The following RERE variants were observed in gnomAD, a reference collection of about 807,000 sequenced individuals.
RERE encodes the protein arginine-glutamic acid dipeptide repeats protein.
Under a neutral mutation model 146.1 loss-of-function variants are expected in RERE, and 40 were observed. The observed-to-expected ratio is 0.27, with a 90% confidence interval of 0.21 to 0.36. RERE has a LOEUF of 0.36. Ranked by LOEUF, RERE falls within the 10% of genes least tolerant of loss-of-function variation. RERE has a pLI of 1.00. For synonymous variants in RERE, 1,003 were observed against 866.0 expected, an observed-to-expected ratio of 1.16 and a Z score of -2.78; for missense variants, 1,933 against 2,138.7, an observed-to-expected ratio of 0.90 and a Z score of 1.90.
At chr1:8,529,376 G>A (rs997939050) in intron 7 of RERE, among the ~76,000 whole-genome samples, 4 of 144,472 alleles carry the variant, frequency 2.8e-5, no homozygotes, top group African/African-American at 5.1e-5. Context: ...TGCAAGCTCC[G>A]GGTCCTAGGT....
chr1:8,364,341 C>T lies in RERE; in HGVS notation c.1541-86G>A, dbSNP rs1641714587. ...GGGCAGAGGGGCCCTTCTGTGGGCT[C>T]TACCCAAACCTGATGCCACCAGCAC... On this transcript the variant is annotated intron_variant, in intron 14 of 22. Coordinates refer to ENST00000400908, the MANE Select transcript of RERE (RefSeq NM_001042681.2). The surrounding 1 kb of genome is among the most constrained non-coding windows in gnomAD (Gnocchi z 5.1). The T allele has an allele frequency of 1.7e-6, 2 of 1,192,988 alleles. No individual in the cohort carries two copies. Among genetic ancestry groups the T allele is most frequent in the Non-Finnish European group, 2.5e-6 (2 of 810,168 alleles). 73.9% of individuals were successfully genotyped at this position (1,192,988 alleles called of 1,614,324 possible).
intron 1 of RERE, among the ~76,000 whole-genome samples, chr1:8,808,638 G>A (rs993700014): frequency 6.6e-6 from 1 of 152,172 alleles, no homozygotes; most frequent in Admixed American, 6.5e-5. Context: ...TTAATAAGCA[G>A]TGGGCTGCAG....
intron 4 of RERE, among the ~76,000 whole-genome samples, chr1:8,585,930 G>A (rs967078004): frequency 6.6e-6 from 1 of 152,112 alleles, no homozygotes; most frequent in African/African-American, 2.4e-5. Flanking sequence ...AATGGATACA[G>A]GCTAACAAAA....
chr1:8,437,219 A>C (rs1255277409), intron 11 of RERE, among the ~76,000 whole-genome samples: 1 of 152,096 alleles, frequency 6.6e-6, no homozygotes, highest in East Asian at 1.9e-4. Context: ...CTGATACAGG[A>C]GGGGCTCCTG....
chr1:8,541,578 C>G (rs1645801315), intron 6 of RERE, among the ~76,000 whole-genome samples: 1 of 151,928 alleles, frequency 6.6e-6, no homozygotes, highest in Admixed American at 6.6e-5. Flanking sequence ...GGAGACAGGA[C>G]TATGAGAAAG....
chr1:8,552,433 C>T (rs1467330973), intron 6 of RERE, among the ~76,000 whole-genome samples: 1 of 151,958 alleles, frequency 6.6e-6, no homozygotes, highest in African/African-American at 2.4e-5. Context: ...TTTTTTGTTC[C>T]CCATGGTTTT....
At chr1:8,786,209 T>C in intron 1 of RERE, 1 of 856,692 alleles carries the variant, frequency 1.2e-6, no homozygotes, top group Non-Finnish European at 1.9e-6. Context: ...GGTTCATTCT[T>C]CTAAGAAGCC....
At chr1:8,759,489 T>C (rs576554335) in intron 1 of RERE, among the ~76,000 whole-genome samples, 4 of 152,344 alleles carry the variant, frequency 2.6e-5, no homozygotes, top group Admixed American at 1.3e-4. Context: ...CTGCAGTTAC[T>C]TTAGAAAAGG....
chr1:8,688,615 C>A (rs925270430), intron 1 of RERE, among the ~76,000 whole-genome samples: 8 of 151,994 alleles, frequency 5.3e-5, no homozygotes, highest in African/African-American at 1.9e-4. Flanking sequence ...TAGTGGCACA[C>A]ACCTGTAGCC....
chr1:8,463,806 A>C (rs1644558779), intron 11 of RERE, among the ~76,000 whole-genome samples: 1 of 152,184 alleles, frequency 6.6e-6, no homozygotes, highest in African/African-American at 2.4e-5. Flanking sequence ...AACTGAGGGA[A>C]ATGCAGAAGC....
At chr1:8,376,569 T>C (rs1313182067) in intron 12 of RERE, among the ~76,000 whole-genome samples, 2 of 152,172 alleles carry the variant, frequency 1.3e-5, no homozygotes, top group Non-Finnish European at 2.9e-5. Context: ...CACTACCTAC[T>C]TACCATACCT....
At chr1:8,601,006 G>C (rs577170630) in intron 4 of RERE, among the ~76,000 whole-genome samples, 1 of 136,344 alleles carries the variant, frequency 7.3e-6, no homozygotes, top group Non-Finnish European at 1.5e-5. Flanking sequence ...CGCCTGCCTC[G>C]GTCTCCCAAA....
chr1:8,792,198 T>C (rs1326816936), intron 1 of RERE, among the ~76,000 whole-genome samples: 2 of 152,158 alleles, frequency 1.3e-5, no homozygotes, highest in Admixed American at 6.5e-5. Context: ...AAGTTTATAA[T>C]TGAAAGAGTA....
intron 1 of RERE, among the ~76,000 whole-genome samples, chr1:8,728,444 TAG>T (rs1350571024): frequency 6.7e-6 from 1 of 149,484 alleles, no homozygotes; most frequent in Non-Finnish European, 1.5e-5. Flanking sequence ...TGTTTCAATC[TAG>T]AGTCATAAGA....
At chr1:8,646,556 C>CAAACAA (rs376345341) in intron 2 of RERE, among the ~76,000 whole-genome samples, 46 of 144,220 alleles carry the variant, frequency 3.2e-4, no homozygotes, top group African/African-American at 1.1e-3. Flanking sequence ...AACAAACAAA[C>CAAACAA]AAAAAAAAAA....
chr1:8,509,674 G>A (rs1294198432), intron 7 of RERE, among the ~76,000 whole-genome samples: 2 of 152,136 alleles, frequency 1.3e-5, no homozygotes, highest in Non-Finnish European at 2.9e-5. Flanking sequence ...TGGGCATGGT[G>A]GCGCACGCCT....
chr1:8,727,778 C>T (rs567241327), intron 1 of RERE, among the ~76,000 whole-genome samples: 7 of 152,300 alleles, frequency 4.6e-5, no homozygotes, highest in Admixed American at 4.6e-4. Flanking sequence ...AGGTGTGAGC[C>T]ACTGAGCCCG....
At chr1:8,435,392 G>C (rs1386492051) in intron 11 of RERE, among the ~76,000 whole-genome samples, 1 of 152,232 alleles carries the variant, frequency 6.6e-6, no homozygotes, top group East Asian at 1.9e-4. Context: ...TGTATCTGGA[G>C]ATGATTGGGC....
chr1:8,511,018 C>T (rs776434109), intron 7 of RERE, among the ~76,000 whole-genome samples: 4 of 152,060 alleles, frequency 2.6e-5, no homozygotes, highest in African/African-American at 7.2e-5. Flanking sequence ...CCTCCCAAAG[C>T]GCTGGAATTA....
Sources: gnomAD v4.1 joint callset for allele counts (sites outside exome capture counted in the v4.1 genomes callset) on GRCh38, gnomAD v4.1.1 for gene constraint, Gnocchi (gnomAD v3.1) non-coding constraint, MANE v1.5 for transcripts, NCBI Gene and HGNC (gene_info 2026-07-23, HGNC 2026-07-21) for gene names.